The following DOCK2 variants were observed in gnomAD, a reference collection of about 807,000 sequenced individuals.
The protein encoded by DOCK2 is dedicator of cytokinesis 2.
Under a neutral mutation model 248.9 loss-of-function variants are expected in DOCK2, and 87 were observed. The ratio of observed to expected loss-of-function variants is 0.35; its 90% confidence interval spans 0.29 to 0.42. The LOEUF (loss-of-function observed/expected upper bound fraction) is 0.42. DOCK2 is among the 10% of genes least tolerant of loss of function. The probability of loss-of-function intolerance (pLI) is 1.00; values close to 1 mark genes in which losing one functional copy is unlikely to be tolerated. For missense variants in DOCK2, 1,747 were observed against 2,300.2 expected (o/e 0.76, Z 4.92); for synonymous variants, 805 against 821.6 (o/e 0.98, Z 0.35).
chr5:170,069,535 C>A (rs1223354769), intron 46 of DOCK2, among the ~76,000 whole-genome samples: 2 of 152,060 alleles, frequency 1.3e-5, no homozygotes, highest in African/African-American at 4.8e-5. Flanking sequence ...AACACCAGGC[C>A]CCCACACTCC....
At chr5:169,878,197 C>T (rs561225458) in intron 27 of DOCK2, among the ~76,000 whole-genome samples, 20 of 152,246 alleles carry the variant, frequency 1.3e-4, no homozygotes, top group African/African-American at 3.9e-4. Flanking sequence ...AGAGGGACCT[C>T]GTGCCCTTGA....
chr5:169,644,999 A>G (rs776618765), intron 1 of DOCK2, among the ~76,000 whole-genome samples: 4 of 152,164 alleles, frequency 2.6e-5, no homozygotes, highest in Admixed American at 6.5e-5. Flanking sequence ...GCTGCATAGT[A>G]TTCCATGGTA....
chr5:169,963,739 T>C (rs1331161794), intron 27 of DOCK2, among the ~76,000 whole-genome samples: 1 of 152,106 alleles, frequency 6.6e-6, no homozygotes, highest in East Asian at 1.9e-4. Context: ...GCAGCATTTT[T>C]CCCTCTTCCT....
intron 27 of DOCK2, among the ~76,000 whole-genome samples, chr5:169,963,405 G>A (rs1285335481): frequency 2.0e-5 from 3 of 152,184 alleles, no homozygotes; most frequent in Admixed American, 6.5e-5. Context: ...CATCCAGAGA[G>A]TCATACAAAA....
intron 21 of DOCK2, 54 bp downstream of exon 21, chr5:169,717,538 G>C: frequency 1.3e-6 from 2 of 1,499,878 alleles, no homozygotes; most frequent in Middle Eastern, 1.7e-4. Flanking sequence ...TGCCCTGCCA[G>C]GATGCCTAGG....
At chr5:169,656,497 G>C (rs1439681505) in intron 2 of DOCK2, among the ~76,000 whole-genome samples, 2 of 152,114 alleles carry the variant, frequency 1.3e-5, no homozygotes, top group East Asian at 3.9e-4. Context: ...ATTTTCAATA[G>C]AGACGGGGTT....
At chr5:169,960,923 G>A (rs1341665783) in intron 27 of DOCK2, among the ~76,000 whole-genome samples, 1 of 152,130 alleles carries the variant, frequency 6.6e-6, no homozygotes, top group African/African-American at 2.4e-5. Flanking sequence ...AGTATATATA[G>A]GGTTCAGTAT....
intron 29 of DOCK2, among the ~76,000 whole-genome samples, chr5:169,988,579 C>G (rs1435530758): frequency 6.6e-6 from 1 of 152,072 alleles, no homozygotes; most frequent in Non-Finnish European, 1.5e-5. Flanking sequence ...ATGGCATGCT[C>G]TCAGCTCACT....
At chr5:169,703,214 A>G (rs967704758) in intron 14 of DOCK2, among the ~76,000 whole-genome samples, 3 of 152,080 alleles carry the variant, frequency 2.0e-5, no homozygotes, top group Non-Finnish European at 4.4e-5. Flanking sequence ...TCAAATAGCC[A>G]AGCAGGGCGG....
intron 15 of DOCK2, 47 bp from the exon 16 acceptor site, chr5:169,711,888 G>A (rs1263301774): frequency 1.2e-6 from 2 of 1,606,852 alleles, no homozygotes; most frequent in Admixed American, 3.3e-5. Flanking sequence ...GCAGTGGGGA[G>A]GGCCCTTTAA....
chr5:169,695,664 C>T, intron 9 of DOCK2, 139 bp from the exon 10 acceptor site: 1 of 1,243,606 alleles, frequency 8.0e-7, no homozygotes, highest in Non-Finnish European at 1.1e-6. Context: ...CTATCTTTTC[C>T]AGGACTTATT....
intron 36 of DOCK2, among the ~76,000 whole-genome samples, 162 bp downstream of exon 36, chr5:170,036,717 T>C (rs1055584086): frequency 1.3e-5 from 2 of 152,228 alleles, no homozygotes; most frequent in East Asian, 1.9e-4. Flanking sequence ...ATTCAATTCC[T>C]TTCATTCTCC....
chr5:169,965,607 G>A (rs754082211), intron 27 of DOCK2, among the ~76,000 whole-genome samples: 1 of 152,176 alleles, frequency 6.6e-6, no homozygotes. Flanking sequence ...AATGTCGGGA[G>A]AGCTGGTGGC....
intron 25 of DOCK2, among the ~76,000 whole-genome samples, chr5:169,788,584 C>G (rs1198378225): frequency 6.6e-6 from 1 of 152,184 alleles, no homozygotes; most frequent in Non-Finnish European, 1.5e-5. Flanking sequence ...TCCTAATGAT[C>G]AACAAACTCT....
intron 23 of DOCK2, 31 bp from the exon 24 acceptor site, chr5:169,759,674 A>T (rs761109018): frequency 1.9e-6 from 3 of 1,612,884 alleles, no homozygotes; most frequent in Non-Finnish European, 2.5e-6. Context: ...TGATGTGAGG[A>T]TCACTTATAT....
chr5:169,677,863 G>A (rs1245313118), intron 6 of DOCK2, among the ~76,000 whole-genome samples: 2 of 152,208 alleles, frequency 1.3e-5, no homozygotes, highest in Admixed American at 6.5e-5. Flanking sequence ...TGGGCTGAGG[G>A]CAGGGGTTTC....
chr5:169,718,753 G>C lies in DOCK2; in HGVS notation c.2229G>C (p.Val743=). ...ILRTLKALEY[V]FKFIVRSRTL... ...GAACGCTGAAGGCTTTGGAATATGTGTTCAAGTTCATTGTTCGGTCGAGGA... is the reference window on the plus strand; with the variant it reads ...GAACGCTGAAGGCTTTGGAATATGTCTTCAAGTTCATTGTTCGGTCGAGGA... The change falls in exon 22 of 52, where the codon GTG becomes GTC. Residue 743 remains valine (V), a synonymous_variant. Transcript: ENST00000520908. The C allele has an allele frequency of 6.2e-7, 1 of 1,613,800 alleles. No homozygotes were observed. Among genetic ancestry groups the C allele is most frequent in the Non-Finnish European group, 8.5e-7 (1 of 1,179,792 alleles).
chr5:169,792,661 C>G (rs190469208), intron 25 of DOCK2, among the ~76,000 whole-genome samples: 16 of 152,216 alleles, frequency 1.1e-4, no homozygotes, highest in African/African-American at 3.9e-4. Context: ...GAGGCAGCTT[C>G]GTCAGCCAGA....
intron 44 of DOCK2, among the ~76,000 whole-genome samples, chr5:170,066,119 T>C (rs1194171911): frequency 1.3e-5 from 2 of 152,022 alleles, no homozygotes; most frequent in Non-Finnish European, 2.9e-5. Flanking sequence ...GCCTGGCTAA[T>C]TTTTGTATTT....
Sources: allele counts gnomAD v4.1 joint callset (sites outside exome capture counted in the v4.1 genomes callset), GRCh38; gene constraint gnomAD v4.1.1; transcripts MANE v1.5; gene names NCBI Gene and HGNC (gene_info 2026-07-23, HGNC 2026-07-21).